RBFOX1: variants seen among roughly 807,000 people sequenced by gnomAD.
RBFOX1 encodes RNA binding fox-1 homolog 1.
A neutral mutation model predicts 57.7 loss-of-function variants in RBFOX1; 8 were observed. The ratio of observed to expected loss-of-function variants is 0.14; its 90% CI spans 0.08 to 0.25. RBFOX1 has a LOEUF of 0.25. Among genes scored for constraint, RBFOX1 ranks in the 10% least tolerant of loss-of-function variants. The pLI is 1.00. For missense variants in RBFOX1, 611 were observed against 548.5 expected, an observed-to-expected ratio of 1.11 and a Z score of -1.14; for synonymous variants, 326 against 222.4, an observed-to-expected ratio of 1.47 and a Z score of -4.15.
chr16:6,686,552 T>A (rs1009424498), intron 3 of RBFOX1, among the ~76,000 whole-genome samples: 1 of 152,142 alleles, frequency 6.6e-6, no homozygotes, highest in Non-Finnish European at 1.5e-5. Context: ...TTGGGAACAT[T>A]TCTCAGTTGC....
intron 2 of RBFOX1, among the ~76,000 whole-genome samples, chr16:5,512,146 T>C (rs1193552158): frequency 1.3e-5 from 2 of 152,164 alleles, no homozygotes; most frequent in Admixed American, 6.5e-5. Context: ...GTGGTGGAGA[T>C]AAAATGATGG....
intron 1 of RBFOX1, among the ~76,000 whole-genome samples, chr16:6,068,877 T>C (rs2095800297): frequency 6.6e-6 from 1 of 152,178 alleles, no homozygotes; most frequent in Non-Finnish European, 1.5e-5. Flanking sequence ...CCAGTTCACC[T>C]GCATCTTATT....
chr16:7,686,196 AAC>A (rs1491398989), intron 14 of RBFOX1, among the ~76,000 whole-genome samples: 2 of 151,980 alleles, frequency 1.3e-5, no homozygotes, highest in Non-Finnish European at 2.9e-5. Flanking sequence ...TGAAAAAAAA[AAC>A]AAGGAGTTTC....
At chr16:7,251,108 T>C (rs1162989170) in intron 4 of RBFOX1, among the ~76,000 whole-genome samples, 1 of 152,190 alleles carries the variant, frequency 6.6e-6, no homozygotes, top group Non-Finnish European at 1.5e-5. Flanking sequence ...TTCTTGAAAC[T>C]ATTCCTCCTA....
At chr16:5,285,526 A>T (rs536755074) in intron 1 of RBFOX1, among the ~76,000 whole-genome samples, 1 of 151,924 alleles carries the variant, frequency 6.6e-6, no homozygotes, top group Non-Finnish European at 1.5e-5. Flanking sequence ...TTCCTTTTTC[A>T]TATTTCTTGC....
chr16:7,139,481 T>C (rs2073048888), intron 4 of RBFOX1, among the ~76,000 whole-genome samples: 1 of 152,160 alleles, frequency 6.6e-6, no homozygotes, highest in Non-Finnish European at 1.5e-5. Context: ...AGGAAAATCC[T>C]AACTAAATAG....
At chr16:5,820,077 G>A (rs1056260906) in intron 3 of RBFOX1, among the ~76,000 whole-genome samples, 3 of 152,182 alleles carry the variant, frequency 2.0e-5, no homozygotes, top group East Asian at 1.9e-4. Context: ...GAGACATTGC[G>A]CTTCTGCACT....
At chr16:7,109,912 A>G (rs754007806) in intron 4 of RBFOX1, among the ~76,000 whole-genome samples, 2 of 152,098 alleles carry the variant, frequency 1.3e-5, no homozygotes, top group South Asian at 2.1e-4. Flanking sequence ...AGAGCCCCCT[A>G]TCAGGTAATC....
intron 1 of RBFOX1, among the ~76,000 whole-genome samples, chr16:5,351,567 T>C (rs1048394836): frequency 6.6e-6 from 1 of 152,222 alleles, no homozygotes; most frequent in African/African-American, 2.4e-5. Context: ...CAAGGTGTTA[T>C]GAAGGTGACA....
rs369605748 is a variant in RBFOX1, at chr16:7,295,444, T to C, written c.28-222703T>C. Among the ~76,000 whole-genome samples the C allele has an allele frequency of 2.7e-4, 41 of 152,126 alleles. No homozygotes were observed. In the East Asian group the frequency reaches 2.7e-3, roughly 10 times the overall value. ...ATAATAATAGTTGCTATATATTGAG[T>C]GGTTGCTAGATAATGGGCACCATTT... On this transcript the variant is annotated intron_variant, in intron 4 of 15. Transcript: ENST00000550418.
Position 7,587,387 on chromosome 16 carries a change from C to T in RBFOX1, c.468+87C>T, listed in dbSNP as rs1045279266. 2.6e-5 allele frequency: 34 copies of T among 1,285,530 alleles called. No individual in the cohort carries two copies. The African/African-American group carries it at 5.1e-4, about 19-fold the overall frequency. The allele number at this position is 1,285,530 out of a possible 1,614,324, so 79.6% of individuals were successfully genotyped here. ...GGGGAAACAACTGCACTGTCTTAAT[C>T]AGCTCATTGTGAAAATACACTTCAG... On this transcript the variant is annotated intron_variant, in intron 7 of 15. Transcript: ENST00000550418.
intron 4 of RBFOX1, among the ~76,000 whole-genome samples, chr16:7,262,997 G>A (rs573697283): frequency 6.6e-6 from 1 of 152,274 alleles, no homozygotes; most frequent in Non-Finnish European, 1.5e-5. Context: ...AGGGTGATAG[G>A]AAAGGAGTTT....
intron 3 of RBFOX1, among the ~76,000 whole-genome samples, chr16:6,889,399 A>G (rs76574047): frequency 8.5e-5 from 13 of 152,314 alleles, no homozygotes; most frequent in Middle Eastern, 6.8e-3. Context: ...TATCTTACAT[A>G]TGACGGCTCT....
intron 2 of RBFOX1, among the ~76,000 whole-genome samples, chr16:6,640,865 A>G (rs528029021): frequency 1.3e-5 from 2 of 152,264 alleles, no homozygotes; most frequent in African/African-American, 4.8e-5. Context: ...ATTAAGGCCA[A>G]GACCCAAAAC....
At chr16:5,508,556 A>G (rs1445412108) in intron 2 of RBFOX1, among the ~76,000 whole-genome samples, 2 of 152,114 alleles carry the variant, frequency 1.3e-5, no homozygotes, top group African/African-American at 4.8e-5. Context: ...ACAGAGTGCC[A>G]CACCCAAGAT....
chr16:6,733,280 A>C (rs1434818660), intron 3 of RBFOX1, among the ~76,000 whole-genome samples: 1 of 152,148 alleles, frequency 6.6e-6, no homozygotes, highest in East Asian at 1.9e-4. Context: ...ATAGAAACAA[A>C]TATGACTTGG....
chr16:6,886,783 C>CAAAACG (rs1555572373), intron 3 of RBFOX1, among the ~76,000 whole-genome samples: 2 of 136,864 alleles, frequency 1.5e-5, no homozygotes, highest in Non-Finnish European at 3.2e-5. Flanking sequence ...CAAAACAAAA[C>CAAAACG]AAAAAAAAAA....
chr16:5,808,632 T>C (rs980601827), intron 3 of RBFOX1, among the ~76,000 whole-genome samples: 7 of 152,322 alleles, frequency 4.6e-5, no homozygotes, highest in African/African-American at 7.2e-5. Context: ...AGAGGTCCTT[T>C]ACGTCCCTTG....
chr16:5,350,506 C>G (rs1181501187), intron 1 of RBFOX1, among the ~76,000 whole-genome samples: 1 of 152,138 alleles, frequency 6.6e-6, no homozygotes, highest in African/African-American at 2.4e-5. Context: ...AGCCTTTGCT[C>G]TTTGTTGGAT....
Sources: allele counts gnomAD v4.1 joint callset (sites outside exome capture counted in the v4.1 genomes callset), GRCh38; gene constraint gnomAD v4.1.1; transcripts MANE v1.5; gene names NCBI Gene and HGNC (gene_info 2026-07-23, HGNC 2026-07-21).